The following STX1B variants were observed in gnomAD, a reference collection of about 807,000 sequenced individuals.
STX1B encodes the protein syntaxin-1B.
In STX1B, 7 loss-of-function variants were observed where a neutral mutation model predicts 39.4. That is an observed-to-expected ratio of 0.18 (90% confidence interval 0.10 to 0.33). STX1B has a LOEUF of 0.33. Among genes scored for constraint, STX1B ranks in the 10% least tolerant of loss-of-function variants. STX1B has a pLI of 1.00. For synonymous variants in STX1B, 136 were observed against 144.1 expected (o/e 0.94, Z 0.40); for missense variants, 198 against 383.2 (o/e 0.52, Z 4.04).
intron 1 of STX1B, among the ~76,000 whole-genome samples, chr16:31,009,383 T>G (rs997729643): frequency 6.6e-6 from 1 of 152,032 alleles, no homozygotes; most frequent in Non-Finnish European, 1.5e-5. Flanking sequence ...ACCAGTTCCC[T>G]GTAAAGGCTC....
At chr16:31,000,188 G>A (rs59883711) in intron 4 of STX1B, among the ~76,000 whole-genome samples, 5,994 of 151,804 alleles carry the variant, frequency 0.039, 386 homozygotes, top group African/African-American at 0.14. Flanking sequence ...AGTACAGATG[G>A]GGTTTCACCA....
At chr16:30,995,865 A>T (rs548031066) in intron 7 of STX1B, among the ~76,000 whole-genome samples, 15 of 152,106 alleles carry the variant, frequency 9.9e-5, no homozygotes, top group African/African-American at 2.7e-4. Context: ...AACTTGTTTT[A>T]AAAAAAATAT....
chr16:31,008,958 C>T (rs1389120870), intron 1 of STX1B, among the ~76,000 whole-genome samples: 1 of 152,154 alleles, frequency 6.6e-6, no homozygotes, highest in African/African-American at 2.4e-5. Flanking sequence ...ACACTTCAAA[C>T]AATGTTTATT....
In STX1B at chr16:30,992,347, G is replaced by C. The variant is rs1397443767; in HGVS notation, c.*474C>G. On this transcript the variant is annotated 3_prime_UTR_variant, in exon 10 of 10. Coordinates refer to ENST00000215095, the MANE Select transcript of STX1B (RefSeq NM_052874.5). ...ACACAAAATTCCACGTACACAAATG[G>C]TGTGTCCACAGATCTGTGGTCTCAC... is the stretch of plus-strand genomic sequence containing the variant. 1 of 154,932 alleles carries C rather than the reference G, an allele frequency of 6.5e-6. No homozygotes were observed. The highest frequency in any genetic ancestry group is 1.4e-5 in the Non-Finnish European group (1 of 70,198). 9.6% of individuals were successfully genotyped at this position (154,932 alleles called of 1,614,324 possible). A position where few individuals can be genotyped will look rare whatever the true frequency, so the allele number is the denominator to read the frequency against.
At chr16:30,992,986 G>A (rs2056571189) in intron 9 of STX1B, 85 bp from the exon 10 acceptor site, 2 of 1,367,022 alleles carry the variant, frequency 1.5e-6, no homozygotes, top group Non-Finnish European at 2.1e-6. Flanking sequence ...GGCAGAGGGT[G>A]GCAGGGAGAA....
At position 31,002,341 on chromosome 16, in the gene STX1B, A is replaced by G. The variant is rs566856036; in HGVS notation, c.31-738T>C. Reference sequence around the variant, plus strand: ...CTCCACCCGCAGGGCTCAGAGACACAAAGAGATTTACCCACCCACAGCACC... The same window carrying G: ...CTCCACCCGCAGGGCTCAGAGACACGAAGAGATTTACCCACCCACAGCACC... On this transcript the variant is annotated intron_variant, in intron 1 of 9. Coordinates refer to ENST00000215095, the MANE Select transcript of STX1B (RefSeq NM_052874.5). 2.6e-5 allele frequency among the ~76,000 whole-genome samples: 4 copies of G among 152,238 alleles called. No homozygotes were observed. The South Asian group carries it at 8.3e-4, about 32-fold the overall frequency.
chr16:31,010,418 C>A lies in STX1B; in HGVS notation c.-22G>T. On this transcript the variant is annotated 5_prime_UTR_variant, in exon 1 of 10. Coordinates refer to ENST00000215095, the MANE Select transcript of STX1B (RefSeq NM_052874.5). ...TCATCCTGCGACGGCTCCTCCTCCT[C>A]CTCCTAGTCCTCCTGCCTCTGCTGC... 6.9e-7 allele frequency: 1 copy of A among 1,445,350 alleles called. No individual in the cohort carries two copies. Among genetic ancestry groups the A allele is most frequent in the South Asian group, 1.5e-5 (1 of 66,316 alleles). The allele number at this position is 1,445,350 out of a possible 1,614,324, so 89.5% of individuals were successfully genotyped here.
intron 1 of STX1B, among the ~76,000 whole-genome samples, chr16:31,008,627 C>G (rs2056666107): frequency 6.6e-6 from 1 of 152,138 alleles, no homozygotes. Flanking sequence ...TTCCCCAACT[C>G]TAAAATGAAA....
intron 1 of STX1B, 92 bp downstream of exon 1, chr16:31,010,275 C>T: frequency 1.9e-6 from 2 of 1,027,208 alleles, no homozygotes; most frequent in Non-Finnish European, 1.3e-6. Context: ...TCATCCTTCG[C>T]CCCCACGTCC....
intron 1 of STX1B, among the ~76,000 whole-genome samples, chr16:31,003,381 A>C (rs997854446): frequency 2.0e-5 from 3 of 152,066 alleles, no homozygotes; most frequent in African/African-American, 7.2e-5. Flanking sequence ...TGCTGGGCTC[A>C]CCTCTGAGGA....
chr16:31,005,819 C>T (rs1183255746), intron 1 of STX1B, among the ~76,000 whole-genome samples: 1 of 152,164 alleles, frequency 6.6e-6, no homozygotes, highest in Non-Finnish European at 1.5e-5. Flanking sequence ...TGCCCCTGAG[C>T]CCCTTCCAGA....
At chr16:31,005,470 CT>C (rs35407745) in intron 1 of STX1B, among the ~76,000 whole-genome samples, 81 of 113,724 alleles carry the variant, frequency 7.1e-4, no homozygotes, top group African/African-American at 1.5e-3. Context: ...TTTCTTTTTC[CT>C]TTTTTTTTTT....
intron 1 of STX1B, among the ~76,000 whole-genome samples, chr16:31,005,686 C>T (rs748975600): frequency 1.3e-5 from 2 of 152,026 alleles, no homozygotes; most frequent in African/African-American, 4.8e-5. Context: ...GAGGTGGAGG[C>T]GCAGAGAGAT....
At chr16:31,005,049 C>G (rs773650214) in intron 1 of STX1B, among the ~76,000 whole-genome samples, 48 of 152,182 alleles carry the variant, frequency 3.2e-4, no homozygotes, top group Admixed American at 2.2e-3. Flanking sequence ...GCAGGAAGAG[C>G]TTGGACAGGA....
chr16:31,001,519 G>A lies in STX1B; in HGVS notation c.105+10C>T, dbSNP rs370337339. The A allele has an allele frequency of 2.2e-4, 349 of 1,602,130 alleles. 2 individuals carry two copies. Among genetic ancestry groups the A allele is most frequent in the Non-Finnish European group, 2.8e-4 (323 of 1,174,504 alleles). The stretch of plus-strand genomic sequence containing the variant: ...TGGGGCTGGGGCTGGGGGCCTTGGA[G>A]GCCCATTACCTGTTCAAAGAACTCA... On this transcript the variant is annotated intron_variant, in intron 2 of 9. Coordinates refer to ENST00000215095, the MANE Select transcript of STX1B (RefSeq NM_052874.5). The surrounding 1 kb of genome is among the most constrained non-coding windows in gnomAD (Gnocchi z 5.5).
chr16:31,010,293 T>TG, intron 1 of STX1B, 74 bp downstream of exon 1: 1 of 889,152 alleles, frequency 1.1e-6, no homozygotes, highest in Non-Finnish European at 1.5e-6. Flanking sequence ...TCCCAGCACC[T>TG]CCCCCACTCC....
At chr16:31,000,900 T>C in intron 4 of STX1B, 28 bp downstream of exon 4, 11 of 1,613,428 alleles carry the variant, frequency 6.8e-6, no homozygotes, top group Non-Finnish European at 8.5e-6. Context: ...ATTCTTTTCC[T>C]TCCTGGTTGA....
At chr16:31,006,107 GCGTGTGTGTA>G (rs1390541612) in intron 1 of STX1B, among the ~76,000 whole-genome samples, 14 of 152,312 alleles carry the variant, frequency 9.2e-5, no homozygotes, top group South Asian at 2.1e-4. Context: ...GAGAGAGTGT[GCGTGTGTGTA>G]CGTGTGTGTG....
In STX1B at chr16:30,993,139, C is replaced by G. The variant is rs1430696202; in HGVS notation, c.777G>C (p.Lys259Asn). 6.2e-7 allele frequency: 1 copy of G among 1,614,242 alleles called. No individual in the cohort carries two copies. The highest frequency in any genetic ancestry group is 1.1e-5 in the South Asian group (1 of 91,080). The change falls in exon 9 of 10, where the codon AAG becomes AAC. Residue 259 changes from lysine (K) to asparagine (N), a missense_variant. By Grantham distance (94) the Lys-to-Asn change is moderately conservative. Coordinates refer to ENST00000215095, the MANE Select transcript of STX1B (RefSeq NM_052874.5). ...CGCCTGCCCCGCTCACCCTCCGGGC[C>G]TTGCTCTGATATTTCACTGCTTTCT... ...DTKKAVKYQS[K>N]ARRKKIMIII...
Sources: allele counts gnomAD v4.1 joint callset (sites outside exome capture counted in the v4.1 genomes callset), GRCh38; gene constraint gnomAD v4.1.1; non-coding constraint Gnocchi (gnomAD v3.1); transcripts MANE v1.5; gene names NCBI Gene and HGNC (gene_info 2026-07-23, HGNC 2026-07-21).